Variants in TCERG1L observed in about 807,000 individuals in gnomAD.
TCERG1L encodes the protein transcription elongation regulator 1-like protein.
Under a neutral mutation model 56.3 loss-of-function variants are expected in TCERG1L, and 37 were observed. That is an observed-to-expected ratio of 0.66 (90% CI 0.51 to 0.87). The LOEUF is 0.87. Ranked by LOEUF, TCERG1L falls within the 40% of genes least tolerant of loss-of-function variation. The pLI, the probability that TCERG1L is intolerant of heterozygous loss-of-function variation, is 0.00. For synonymous variants in TCERG1L, 324 were observed against 326.3 expected, an observed-to-expected ratio of 0.99 and a Z score of 0.08; for missense variants, 799 against 774.2, an observed-to-expected ratio of 1.03 and a Z score of -0.38.
intron 4 of TCERG1L, among the ~76,000 whole-genome samples, chr10:131,232,411 G>T (rs531022421): frequency 6.6e-6 from 1 of 152,206 alleles, no homozygotes; most frequent in Non-Finnish European, 1.5e-5. Context: ...TTGCAGGAGC[G>T]TTGGCAGAAT....
At chr10:131,120,139 G>A (rs1356500943) in intron 8 of TCERG1L, among the ~76,000 whole-genome samples, 1 of 152,052 alleles carries the variant, frequency 6.6e-6, no homozygotes, top group Non-Finnish European at 1.5e-5. Flanking sequence ...CTTGCCAATC[G>A]ATCTGTTAAT....
At position 131,311,554 on chromosome 10, in the gene TCERG1L, G is replaced by A; in HGVS notation, c.82C>T (p.Pro28Ser). The part of the protein sequence containing the change: ...QPRRRQPLLW[P>S]MDAEPPPPPP... ...GGCGGCGGCGGCTCTGCGTCCATCG[G>A]CCAGAGGAGAGGCTGCCGCCGCCGG... The change falls in exon 1 of 12, where the codon CCG (proline) becomes TCG (serine). Residue 28 changes from proline (P) to serine (S), a missense_variant. Pro to Ser is a moderately conservative substitution (Grantham distance 74). Coordinates refer to ENST00000368642, the MANE Select transcript of TCERG1L (RefSeq NM_174937.4). This position sits in a 1 kb window ranked among gnomAD's most constrained non-coding sequence, Gnocchi z 4.0. The A allele has an allele frequency of 1.7e-6, 2 of 1,170,548 alleles. No homozygotes were observed. The highest frequency in any genetic ancestry group is 1.1e-6 in the Non-Finnish European group (1 of 949,840). The allele number at this position is 1,170,548 out of a possible 1,614,324, so 72.5% of individuals were successfully genotyped here.
chr10:131,144,089 C>A (rs1036066206), intron 7 of TCERG1L, among the ~76,000 whole-genome samples: 1 of 152,162 alleles, frequency 6.6e-6, no homozygotes, highest in Non-Finnish European at 1.5e-5. Flanking sequence ...CACGCTCACA[C>A]ATACACACAC....
chr10:131,148,936 C>G (rs1169258048), intron 6 of TCERG1L, among the ~76,000 whole-genome samples: 1 of 152,234 alleles, frequency 6.6e-6, no homozygotes, highest in Non-Finnish European at 1.5e-5. Context: ...CATCTGGGAG[C>G]CCTGACCTGA....
intron 4 of TCERG1L, among the ~76,000 whole-genome samples, chr10:131,256,356 A>G (rs1040980234): frequency 3.7e-4 from 56 of 152,194 alleles, no homozygotes; most frequent in African/African-American, 1.3e-3. Context: ...AAAAATAGTC[A>G]CTTCCCAGCT....
At chr10:131,132,057 C>T (rs1220361613) in intron 8 of TCERG1L, among the ~76,000 whole-genome samples, 10 of 152,180 alleles carry the variant, frequency 6.6e-5, no homozygotes, top group African/African-American at 2.4e-4. Flanking sequence ...TGGGGCGATT[C>T]GCTCTGAGCA....
chr10:131,239,926 G>A (rs1172038935), intron 4 of TCERG1L, among the ~76,000 whole-genome samples: 1 of 152,188 alleles, frequency 6.6e-6, no homozygotes, highest in Non-Finnish European at 1.5e-5. Context: ...GAATGCAGAG[G>A]AGAGCGGTCC....
At position 131,309,264 on chromosome 10, in the gene TCERG1L, C is replaced by A. The variant is rs765144939; in HGVS notation, c.378G>T (p.Leu126=). 2.5e-6 allele frequency: 4 copies of A among 1,603,148 alleles called. No homozygotes were observed. Among genetic ancestry groups the A allele is most frequent in the East Asian group, 2.3e-5 (1 of 43,846 alleles). Reference sequence around the variant, plus strand: ...CCAGCTCCACTGTGGAAGAGGGGGGCAGTCCTAGGGACGGAGAATGGCCAC... The same window carrying A: ...CCAGCTCCACTGTGGAAGAGGGGGGAAGTCCTAGGGACGGAGAATGGCCAC... ...LFGGHSPSLG[L]PPSSTVELVP... Residue 126 remains leucine, a synonymous_variant, in exon 2 of 12, where the codon CTG becomes CTT. Coordinates refer to ENST00000368642, the MANE Select transcript of TCERG1L (RefSeq NM_174937.4).
intron 3 of TCERG1L, among the ~76,000 whole-genome samples, chr10:131,300,175 G>A (rs931868124): frequency 1.3e-5 from 2 of 152,116 alleles, no homozygotes; most frequent in African/African-American, 4.8e-5. Flanking sequence ...CTTTGAATCA[G>A]AAGTTTAAAT....
At chr10:131,163,479 C>T (rs906910927) in intron 5 of TCERG1L, among the ~76,000 whole-genome samples, 2 of 152,150 alleles carry the variant, frequency 1.3e-5, no homozygotes, top group African/African-American at 2.4e-5. Flanking sequence ...GAAGCAGAGA[C>T]GGTCAGAGGC....
intron 4 of TCERG1L, among the ~76,000 whole-genome samples, chr10:131,251,688 C>T (rs1301769998): frequency 6.6e-6 from 1 of 152,252 alleles, no homozygotes; most frequent in Non-Finnish European, 1.5e-5. Flanking sequence ...TGCTGTTCTT[C>T]TGACCCTCTC....
At chr10:131,150,160 G>A (rs945369919) in intron 6 of TCERG1L, among the ~76,000 whole-genome samples, 4 of 152,216 alleles carry the variant, frequency 2.6e-5, no homozygotes, top group Admixed American at 2.0e-4. Context: ...CTCACCTGGA[G>A]AGCACAGAAC....
At chr10:131,168,077 A>G (rs1846050640) in intron 4 of TCERG1L, among the ~76,000 whole-genome samples, 1 of 152,196 alleles carries the variant, frequency 6.6e-6, no homozygotes, top group Non-Finnish European at 1.5e-5. Context: ...TGGGCAGTGC[A>G]GTCAGGGAGG....
chr10:131,231,207 C>A (rs1012684808), intron 4 of TCERG1L, among the ~76,000 whole-genome samples: 27 of 152,208 alleles, frequency 1.8e-4, no homozygotes, highest in African/African-American at 6.3e-4. Context: ...GACTGCAGCA[C>A]GGCGGACACT....
At chr10:131,298,175 A>G (rs888702869) in intron 3 of TCERG1L, among the ~76,000 whole-genome samples, 4 of 150,906 alleles carry the variant, frequency 2.7e-5, no homozygotes, top group Admixed American at 6.6e-5. Flanking sequence ...AGGCGTTTTA[A>G]TGCTATAAAT....
intron 4 of TCERG1L, among the ~76,000 whole-genome samples, chr10:131,244,187 C>A (rs887912480): frequency 6.6e-6 from 1 of 152,028 alleles, no homozygotes; most frequent in Non-Finnish European, 1.5e-5. Context: ...GGTGGAGGCC[C>A]GGGGTCCTGG....
intron 7 of TCERG1L, among the ~76,000 whole-genome samples, chr10:131,140,412 G>A (rs1057449956): frequency 5.9e-5 from 9 of 152,162 alleles, no homozygotes; most frequent in Non-Finnish European, 8.8e-5. Flanking sequence ...CTACTCGCTC[G>A]GATCCTGAGT....
chr10:131,239,078 A>G (rs1845945121), intron 4 of TCERG1L, among the ~76,000 whole-genome samples: 1 of 152,178 alleles, frequency 6.6e-6, no homozygotes, highest in South Asian at 2.1e-4. Flanking sequence ...TGTTCCCAAG[A>G]GAGAGCCCAT....
intron 4 of TCERG1L, among the ~76,000 whole-genome samples, chr10:131,170,881 C>T (rs925923464): frequency 1.3e-5 from 2 of 152,172 alleles, no homozygotes; most frequent in Admixed American, 6.5e-5. Context: ...GGCGCCGTGG[C>T]TCACACCTAT....
Sources: gnomAD v4.1 joint callset for allele counts (sites outside exome capture counted in the v4.1 genomes callset) on GRCh38, gnomAD v4.1.1 for gene constraint, Gnocchi (gnomAD v3.1) non-coding constraint, MANE v1.5 for transcripts, NCBI Gene and HGNC (gene_info 2026-07-23, HGNC 2026-07-21) for gene names.